CAMTA1: variants seen among roughly 807,000 people sequenced by gnomAD.
The protein encoded by CAMTA1 is calmodulin-binding transcription activator 1.
A neutral mutation model predicts 170.9 loss-of-function variants in CAMTA1; 27 were observed. The observed-to-expected ratio is 0.16, with a 90% CI of 0.12 to 0.22. CAMTA1 has a LOEUF of 0.22. CAMTA1 is among the 10% of genes least tolerant of loss of function. CAMTA1 has a pLI of 1.00. For missense variants in CAMTA1, 1,619 were observed against 2,217.2 expected (o/e 0.73, Z 5.42); for synonymous variants, 833 against 891.5 (o/e 0.93, Z 1.17).
chr1:7,028,879 ATGT>A (rs1572544672), intron 3 of CAMTA1, among the ~76,000 whole-genome samples: 1 of 151,808 alleles, frequency 6.6e-6, no homozygotes, highest in African/African-American at 2.4e-5. Flanking sequence ...AAAATGCGAC[ATGT>A]TGTCAGATAA....
At chr1:7,171,688 C>T (rs1649641863) in intron 4 of CAMTA1, among the ~76,000 whole-genome samples, 1 of 152,222 alleles carries the variant, frequency 6.6e-6, no homozygotes, top group African/African-American at 2.4e-5. Flanking sequence ...CGATGTTGCG[C>T]AGTCACTGCT....
chr1:7,118,984 G>A (rs1428849527), intron 4 of CAMTA1, among the ~76,000 whole-genome samples: 1 of 152,198 alleles, frequency 6.6e-6, no homozygotes, highest in Non-Finnish European at 1.5e-5. Flanking sequence ...GTTTATCTTT[G>A]TGTGGGATGA....
chr1:7,326,936 C>T (rs1027072835), intron 5 of CAMTA1, among the ~76,000 whole-genome samples: 5 of 152,054 alleles, frequency 3.3e-5, no homozygotes, highest in Non-Finnish European at 7.4e-5. Flanking sequence ...AAGGACCCCT[C>T]AGGAGAAGTG....
intron 3 of CAMTA1, among the ~76,000 whole-genome samples, chr1:6,852,708 A>C (rs1293012926): frequency 2.0e-5 from 3 of 152,210 alleles, no homozygotes; most frequent in Non-Finnish European, 4.4e-5. Context: ...CTATGTGTTC[A>C]CCATCCCGGA....
chr1:7,758,649 T>A (rs996985782), intron 22 of CAMTA1, among the ~76,000 whole-genome samples: 1 of 152,186 alleles, frequency 6.6e-6, no homozygotes, highest in Non-Finnish European at 1.5e-5. Flanking sequence ...AAATACTTAT[T>A]TTTGGGCCGG....
intron 3 of CAMTA1, among the ~76,000 whole-genome samples, chr1:6,917,408 C>T (rs1026616786): frequency 4.6e-5 from 7 of 152,006 alleles, no homozygotes; most frequent in Non-Finnish European, 8.8e-5. Context: ...AGATTGGATG[C>T]GAGGAAACTG....
At chr1:7,742,312 A>C (rs928774049) in intron 16 of CAMTA1, among the ~76,000 whole-genome samples, 1 of 152,094 alleles carries the variant, frequency 6.6e-6, no homozygotes, top group Non-Finnish European at 1.5e-5. Flanking sequence ...TAGATATGAA[A>C]AGCATATGAA....
At chr1:7,220,650 G>A (rs1660582702) in intron 4 of CAMTA1, among the ~76,000 whole-genome samples, 1 of 152,192 alleles carries the variant, frequency 6.6e-6, no homozygotes, top group African/African-American at 2.4e-5. Context: ...TCCAGAGGAG[G>A]GTTAAGGCCT....
Position 7,685,440 on chromosome 1 carries a change from G to A in CAMTA1, c.2914+7707G>A, listed in dbSNP as rs575861417. On this transcript the variant is annotated intron_variant, in intron 11 of 22. Transcript: ENST00000303635. The surrounding 1 kb of genome is among the most constrained non-coding windows in gnomAD (Gnocchi z 5.7). ...TGCCGAGACCACAGCACATCCCTGT[G>A]GACCCCACGGCCTGATTGTCTTCAT... Among the ~76,000 whole-genome samples the A allele has an allele frequency of 1.3e-5, 2 of 152,076 alleles. No individual in the cohort carries two copies. The highest frequency in any genetic ancestry group is 2.9e-5 in the Non-Finnish European group (2 of 68,004).
Position 7,014,177 on chromosome 1 carries a change from C to G in CAMTA1, c.235-77127C>G, listed in dbSNP as rs1007568217. 3 of 152,322 alleles carry G rather than the reference C, an allele frequency of 2.0e-5. No individual in the cohort carries two copies. The highest frequency in any genetic ancestry group is 4.4e-5 in the Non-Finnish European group (3 of 68,118). The allele number at this position is 152,322 out of a possible 1,614,324, so 9.4% of individuals were successfully genotyped here. A position where few individuals can be genotyped will look rare whatever the true frequency, so the allele number is the denominator to read the frequency against. On this transcript the variant is annotated intron_variant, in intron 3 of 22. Transcript: ENST00000303635. This position sits in a 1 kb window ranked among gnomAD's most constrained non-coding sequence, Gnocchi z 4.2. ...GGGTGCCCTCAGCCGTGGCAGAAGC[C>G]ACAGCCTGGGTTTGGGGTACCCTGT...
At chr1:6,902,078 A>AAT (rs1553180483) in intron 3 of CAMTA1, among the ~76,000 whole-genome samples, 20 of 86,560 alleles carry the variant, frequency 2.3e-4, no homozygotes, top group African/African-American at 6.6e-4. Context: ...CACACAAAAA[A>AAT]AAAAATAAAA....
chr1:7,547,847 C>T lies in CAMTA1; in HGVS notation c.510+79946C>T, dbSNP rs1414868019. ...CATGTGGGCCCCCTCCAAACCCAGA[C>T]TCTGACACCCCTTGCAAGGGCACTC... On this transcript the variant is annotated intron_variant, in intron 6 of 22. Coordinates refer to ENST00000303635, the MANE Select transcript of CAMTA1 (RefSeq NM_015215.4). This position sits in a 1 kb window ranked among gnomAD's most constrained non-coding sequence, Gnocchi z 5.7. Among the ~76,000 whole-genome samples, 1 of 152,136 alleles carries T rather than the reference C, an allele frequency of 6.6e-6. No individual in the cohort carries two copies. Among genetic ancestry groups the T allele is most frequent in the Non-Finnish European group, 1.5e-5 (1 of 68,032 alleles).
In CAMTA1 at chr1:7,663,847, G is replaced by A; in HGVS notation, c.1300G>A (p.Ala434Thr). The change falls in exon 9 of 23, where the codon GCC becomes ACC. Residue 434 changes from alanine (A) to threonine (T), a missense_variant. Physicochemically the swap from Ala to Thr is moderately conservative, Grantham distance 58. This residue lies in a region of CAMTA1 where 731 missense variants were observed against 907.6 expected (regional missense o/e 0.81). Transcript: ENST00000303635. ...TGACGCCTCTCAGGGCCTCGTCCTG[G>A]CCGTGAGCTCTGATGGCCACAAGTT... ...SPDASQGLVLAVSSDGHKFAF... is the reference protein window; with the variant it reads ...SPDASQGLVLTVSSDGHKFAF... 6.2e-7 allele frequency: 1 copy of A among 1,614,058 alleles called. No individual in the cohort carries two copies.
At chr1:7,514,316 C>T (rs986051564) in intron 6 of CAMTA1, among the ~76,000 whole-genome samples, 1 of 152,252 alleles carries the variant, frequency 6.6e-6, no homozygotes, top group Admixed American at 6.5e-5. Flanking sequence ...GTTGCCCAAA[C>T]ACAGGGCAGA....
chr1:7,058,908 T>C (rs77226101), intron 3 of CAMTA1, among the ~76,000 whole-genome samples: 1 of 136,324 alleles, frequency 7.3e-6, no homozygotes, highest in African/African-American at 2.7e-5. Context: ...CTCTCTCTCT[T>C]TCTTTCCTGT....
intron 1 of CAMTA1, among the ~76,000 whole-genome samples, chr1:6,789,832 A>C (rs940433062): frequency 9.1e-6 from 1 of 109,698 alleles, no homozygotes; most frequent in Non-Finnish European, 1.8e-5. Context: ...TTTTTTTGAG[A>C]CAGAGTCTCA....
At chr1:7,056,957 C>T (rs888594013) in intron 3 of CAMTA1, among the ~76,000 whole-genome samples, 5 of 152,170 alleles carry the variant, frequency 3.3e-5, no homozygotes, top group Non-Finnish European at 5.9e-5. Context: ...CAGCATCCCC[C>T]GCACTCATGG....
chr1:7,732,377 G>T lies in CAMTA1; in HGVS notation c.2915-71G>T. ...GGCATTTGGATGCTGGTCCCGCAAG[G>T]CTGGCGAGGCCACGTGTTGACTGCT... is the stretch of plus-strand genomic sequence containing the variant. On this transcript the variant is annotated intron_variant, in intron 11 of 22. Transcript: ENST00000303635. The surrounding 1 kb of genome is among the most constrained non-coding windows in gnomAD (Gnocchi z 4.1). The T allele has an allele frequency of 1.4e-6, 2 of 1,383,012 alleles. No homozygotes were observed. The highest frequency in any genetic ancestry group is 2.8e-5 in the African/African-American group (2 of 70,430). The allele number at this position is 1,383,012 out of a possible 1,614,324, so 85.7% of individuals were successfully genotyped here. A position where few individuals can be genotyped will look rare whatever the true frequency, so the allele number is the denominator to read the frequency against.
chr1:7,249,360 T>G lies in CAMTA1; in HGVS notation c.303-131T>G. 1.0e-6 allele frequency: 1 copy of G among 961,296 alleles called. No homozygotes were observed. The highest frequency in any genetic ancestry group is 2.5e-5 in the East Asian group (1 of 39,594). 59.5% of individuals were successfully genotyped at this position (961,296 alleles called of 1,614,324 possible). A position where few individuals can be genotyped will look rare whatever the true frequency, so the allele number is the denominator to read the frequency against. ...TAATCCAGGGAGATGCAATAAAAGG[T>G]GAAAAATTATGTTCCAGCAAATGTG... On this transcript the variant is annotated intron_variant, in intron 4 of 22. Transcript: ENST00000303635. The surrounding 1 kb of genome is among the most constrained non-coding windows in gnomAD (Gnocchi z 4.4).
Sources: allele counts gnomAD v4.1 joint callset (sites outside exome capture counted in the v4.1 genomes callset), GRCh38; gene constraint gnomAD v4.1.1; regional missense constraint gnomAD v4.1.1; non-coding constraint Gnocchi (gnomAD v3.1); transcripts MANE v1.5; gene names NCBI Gene and HGNC (gene_info 2026-07-23, HGNC 2026-07-21).